Variants in KLF9 observed in about 807,000 individuals in gnomAD.
KLF9 encodes the protein Krueppel-like factor 9.
Under a neutral mutation model 17.3 loss-of-function variants are expected in KLF9, and 2 were observed. That is an observed-to-expected ratio of 0.12 (90% confidence interval 0.05 to 0.36). The LOEUF is 0.36. Ranked by LOEUF, KLF9 falls within the 10% of genes least tolerant of loss-of-function variation. KLF9 has a pLI of 1.00. For missense variants in KLF9, 226 were observed against 333.2 expected (o/e 0.68, Z 2.51); for synonymous variants, 138 against 139.2 (o/e 0.99, Z 0.06).
At chr9:70,405,924 G>C (rs2037252284) in intron 1 of KLF9, among the ~76,000 whole-genome samples, 1 of 152,160 alleles carries the variant, frequency 6.6e-6, no homozygotes, top group African/African-American at 2.4e-5. Flanking sequence ...ACGATTCCAG[G>C]TAGGGAGTGG....
chr9:70,388,162 C>G (rs2037127330), intron 1 of KLF9, among the ~76,000 whole-genome samples, 157 bp from the exon 2 acceptor site: 1 of 152,142 alleles, frequency 6.6e-6, no homozygotes, highest in Non-Finnish European at 1.5e-5. Flanking sequence ...GAAGCCTTAA[C>G]CCCCAGCACC....
At chr9:70,388,419 T>C (rs2037128948) in intron 1 of KLF9, among the ~76,000 whole-genome samples, 1 of 152,124 alleles carries the variant, frequency 6.6e-6, no homozygotes, top group Admixed American at 6.5e-5. Context: ...TCTCCAGAAC[T>C]GTGAGGAAAT....
At chr9:70,400,469 C>A (rs2037213714) in intron 1 of KLF9, among the ~76,000 whole-genome samples, 1 of 152,062 alleles carries the variant, frequency 6.6e-6, no homozygotes, top group African/African-American at 2.4e-5. Context: ...GGCAAGGGAC[C>A]CCGAATTAGA....
rs73649107 is a variant in KLF9, at chr9:70,391,791, T to C, written c.506-3786A>G. ...CTTATATTCGGTTTTTACCAAGTGG[T>C]TGAAAAAAATTAAAAGAATATTTCA... On this transcript the variant is annotated intron_variant, in intron 1 of 1. Coordinates refer to ENST00000377126, the MANE Select transcript of KLF9 (RefSeq NM_001206.4). Among the ~76,000 whole-genome samples the C allele has an allele frequency of 3.7e-3, 568 of 152,318 alleles. 2 individuals carry two copies. The highest frequency in any genetic ancestry group is 0.013 in the African/African-American group (528 of 41,574).
intron 1 of KLF9, among the ~76,000 whole-genome samples, chr9:70,393,406 C>T (rs1180315320): frequency 6.6e-6 from 1 of 152,168 alleles, no homozygotes; most frequent in East Asian, 1.9e-4. Context: ...CGGGTACTTG[C>T]CAAGTGCCAA....
chr9:70,387,107 T>C lies in KLF9; in HGVS notation c.*669A>G, dbSNP rs925244383. On this transcript the variant is annotated 3_prime_UTR_variant, in exon 2 of 2. Coordinates refer to ENST00000377126, the MANE Select transcript of KLF9 (RefSeq NM_001206.4). Reference sequence around the variant, plus strand: ...TCAGACTCTGCTTACCCATTGACTATAAGTAACTGTTTTTTGTTTTCAAGT... The same window carrying C: ...TCAGACTCTGCTTACCCATTGACTACAAGTAACTGTTTTTTGTTTTCAAGT... 7 of 153,044 alleles carry C rather than the reference T, an allele frequency of 4.6e-5. No individual in the cohort carries two copies. Among genetic ancestry groups the C allele is most frequent in the African/African-American group, 1.7e-4 (7 of 41,434 alleles). 9.5% of individuals were successfully genotyped at this position (153,044 alleles called of 1,614,324 possible). A position where few individuals can be genotyped will look rare whatever the true frequency, so the allele number is the denominator to read the frequency against.
At position 70,409,147 on chromosome 9, in the gene KLF9, T is replaced by C. The variant is rs71483581; in HGVS notation, c.505+3712A>G. ...GTATATATGTATACATATATATGTA[T>C]ATGTATATATATACACATATATGTA... is the stretch of plus-strand genomic sequence containing the variant. On this transcript the variant is annotated intron_variant, in intron 1 of 1. Coordinates refer to ENST00000377126, the MANE Select transcript of KLF9 (RefSeq NM_001206.4). Among the ~76,000 whole-genome samples the C allele has an allele frequency of 3.3e-3, 165 of 50,752 alleles. 13 individuals are homozygous for C. Among genetic ancestry groups the C allele is most frequent in the Admixed American group, 9.8e-3 (30 of 3,060 alleles). The allele number at this position is 50,752 out of a possible 152,430, so 33.3% of individuals were successfully genotyped here.
chr9:70,409,003 T>TAC, intron 1 of KLF9, among the ~76,000 whole-genome samples: 2 of 66,100 alleles, frequency 3.0e-5, no homozygotes, highest in East Asian at 7.5e-4. Context: ...TATATGTGTA[T>TAC]ATATATATAC....
intron 1 of KLF9, among the ~76,000 whole-genome samples, chr9:70,409,041 T>C (rs1189413438): frequency 1.6e-5 from 2 of 126,928 alleles, no homozygotes; most frequent in Non-Finnish European, 3.3e-5. Context: ...TATATGTGTA[T>C]ATATATATAC....
At chr9:70,398,598 C>T (rs147654892) in intron 1 of KLF9, among the ~76,000 whole-genome samples, 3,831 of 151,554 alleles carry the variant, frequency 0.025, 94 homozygotes, top group African/African-American at 0.063. Context: ...AAGCAATTCT[C>T]GTGTCTCAGT....
chr9:70,403,649 C>A (rs2037239268), intron 1 of KLF9, among the ~76,000 whole-genome samples: 1 of 152,128 alleles, frequency 6.6e-6, no homozygotes, highest in Non-Finnish European at 1.5e-5. Context: ...GAGAGCTACC[C>A]CTAGATGTGT....
intron 1 of KLF9, among the ~76,000 whole-genome samples, chr9:70,409,161 C>CAT (rs1564089389): frequency 1.6e-4 from 9 of 55,802 alleles, no homozygotes; most frequent in African/African-American, 3.5e-4. Flanking sequence ...TATATATATA[C>CAT]ACATATATGT....
In KLF9 at chr9:70,387,900, C is replaced by A; in HGVS notation, c.611G>T (p.Arg204Leu). 9 of 1,614,124 alleles carry A rather than the reference C, an allele frequency of 5.6e-6. No individual in the cohort carries two copies. The highest frequency in any genetic ancestry group is 7.6e-6 in the Non-Finnish European group (9 of 1,180,022). ...GAAGCGCTTCTCACACAGCGGACAGCGGAACTGCTTTTCCCCAGTGTGGGT... is the reference window on the plus strand; with the variant it reads ...GAAGCGCTTCTCACACAGCGGACAGAGGAACTGCTTTTCCCCAGTGTGGGT... ...YRTHTGEKQF[R>L]CPLCEKRFMR... Residue 204 changes from arginine (R) to leucine (L), a missense_variant, in exon 2 of 2, where the codon CGC becomes CTC. Coordinates refer to ENST00000377126, the MANE Select transcript of KLF9 (RefSeq NM_001206.4).
Position 70,397,436 on chromosome 9 carries a change from C to T in KLF9, c.506-9431G>A, listed in dbSNP as rs181176108. On this transcript the variant is annotated intron_variant, in intron 1 of 1. Transcript: ENST00000377126. Reference sequence around the variant, plus strand: ...GTTGCAGTGAGCTGAGATTGCACCACTGCACTCCAGCCTGGGTGACAGAGT... The same window carrying T: ...GTTGCAGTGAGCTGAGATTGCACCATTGCACTCCAGCCTGGGTGACAGAGT... Among the ~76,000 whole-genome samples the T allele has an allele frequency of 3.5e-3, 531 of 151,980 alleles. 2 individuals carry two copies. The highest frequency in any genetic ancestry group is 0.012 in the African/African-American group (491 of 41,460).
In KLF9 at chr9:70,412,973, C is replaced by A. The variant is rs1479465396; in HGVS notation, c.391G>T (p.Val131Leu). Residue 131 changes from valine (V) to leucine (L), a missense_variant, in exon 1 of 2, where the codon GTG (valine) becomes TTG (leucine). Coordinates refer to ENST00000377126, the MANE Select transcript of KLF9 (RefSeq NM_001206.4). ...GAGGCGTGTTTCCCCTTCGCAGCCA[C>A]TCCAGGATGGAGGAGGGAGAGCGGG... ...PSPLSLLHPG[V>L]AAKGKHASEK... 1 of 1,614,058 alleles carries A rather than the reference C, an allele frequency of 6.2e-7. No individual in the cohort carries two copies. Among genetic ancestry groups the A allele is most frequent in the Non-Finnish European group, 8.5e-7 (1 of 1,180,044 alleles).
At chr9:70,391,645 ATC>A (rs1432148723) in intron 1 of KLF9, among the ~76,000 whole-genome samples, 13 of 152,214 alleles carry the variant, frequency 8.5e-5, no homozygotes, top group African/African-American at 3.1e-4. Flanking sequence ...ATTTTGATTT[ATC>A]TGGCATCCTT....
At chr9:70,412,479 T>C (rs1425482886) in intron 1 of KLF9, among the ~76,000 whole-genome samples, 1 of 151,988 alleles carries the variant, frequency 6.6e-6, no homozygotes, top group Non-Finnish European at 1.5e-5. Context: ...ACAAGAGAAT[T>C]AAATAAAAGA....
chr9:70,394,992 T>G (rs1243175093), intron 1 of KLF9, among the ~76,000 whole-genome samples: 1 of 152,242 alleles, frequency 6.6e-6, no homozygotes, highest in Non-Finnish European at 1.5e-5. Context: ...TGAAGTTCAT[T>G]TGGAAGAATA....
rs1314756905 is a variant in KLF9, at chr9:70,412,993, A to G, written c.371T>C (p.Leu124Pro). ...RQDPGSAPSP[L>P]SLLHPGVAAK... ...AGCCACTCCAGGATGGAGGAGGGAG[A>G]GCGGGCTGGGCGCGCTGCCAGGATC... Residue 124 changes from leucine to proline, a missense_variant, in exon 1 of 2, where the codon CTC becomes CCC. Physicochemically the swap from Leu to Pro is moderately conservative, Grantham distance 98. Transcript: ENST00000377126. 1 of 1,613,880 alleles carries G rather than the reference A, an allele frequency of 6.2e-7. No individual in the cohort carries two copies.
Sources: gnomAD v4.1 joint callset for allele counts (sites outside exome capture counted in the v4.1 genomes callset) on GRCh38, gnomAD v4.1.1 for gene constraint, MANE v1.5 for transcripts, NCBI Gene and HGNC (gene_info 2026-07-23, HGNC 2026-07-21) for gene names.